Variants in PRKCE observed in about 807,000 individuals in gnomAD.
PRKCE encodes protein kinase C epsilon type.
In PRKCE, 16 loss-of-function variants were observed where a neutral mutation model predicts 85.4. That is an observed-to-expected ratio of 0.19 (90% CI 0.13 to 0.28). The LOEUF (loss-of-function observed/expected upper bound fraction) is 0.28. Ranked by LOEUF, PRKCE falls within the 10% of genes least tolerant of loss-of-function variation. PRKCE has a pLI of 1.00. For missense variants in PRKCE, 573 were observed against 975.2 expected (o/e 0.59, Z 5.49); for synonymous variants, 388 against 371.5 (o/e 1.04, Z -0.51).
intron 1 of PRKCE, among the ~76,000 whole-genome samples, chr2:45,773,698 C>T (rs958582688): frequency 3.3e-5 from 5 of 152,204 alleles, no homozygotes; most frequent in African/African-American, 7.2e-5. Flanking sequence ...TGGGGAAAGA[C>T]GATGCTTCAG....
At chr2:45,947,852 C>T (rs946785779) in intron 2 of PRKCE, among the ~76,000 whole-genome samples, 3 of 152,158 alleles carry the variant, frequency 2.0e-5, no homozygotes, top group African/African-American at 7.2e-5. Flanking sequence ...AAATTTCTTG[C>T]TCTAAAGTGT....
chr2:45,943,447 G>T (rs533082976), intron 2 of PRKCE, among the ~76,000 whole-genome samples: 221 of 152,344 alleles, frequency 1.5e-3, no homozygotes, highest in Non-Finnish European at 2.7e-3. Context: ...CCGGGGCTTA[G>T]GAAGGTCTGC....
At chr2:46,028,618 A>G (rs1707299963) in intron 10 of PRKCE, among the ~76,000 whole-genome samples, 1 of 152,172 alleles carries the variant, frequency 6.6e-6, no homozygotes, top group Non-Finnish European at 1.5e-5. Flanking sequence ...AAATGTAACT[A>G]ACATTTATAG....
At chr2:45,913,642 C>T (rs879401216) in intron 2 of PRKCE, among the ~76,000 whole-genome samples, 1 of 152,226 alleles carries the variant, frequency 6.6e-6, no homozygotes, top group Non-Finnish European at 1.5e-5. Context: ...GCTGAAAGAC[C>T]TTCTTCAGCA....
chr2:45,827,690 A>G lies in PRKCE; in HGVS notation c.349-15310A>G, dbSNP rs1364455177. ...GCACCATTAGATTACATGTTAAGGC[A>G]GGTTCTATCCCAGAAAACAGAAAAT... On this transcript the variant is annotated intron_variant, in intron 1 of 14. Coordinates refer to ENST00000306156, the MANE Select transcript of PRKCE (RefSeq NM_005400.3). Among the ~76,000 whole-genome samples, 2 of 152,264 alleles carry G rather than the reference A, an allele frequency of 1.3e-5. 1 individual carries two copies. The highest frequency in any genetic ancestry group is 4.8e-5 in the African/African-American group (2 of 41,472).
chr2:45,954,396 C>A (rs1425082091), intron 2 of PRKCE, among the ~76,000 whole-genome samples: 2 of 152,080 alleles, frequency 1.3e-5, no homozygotes, highest in Non-Finnish European at 2.9e-5. Context: ...ATCCATTAAC[C>A]CTTTATTGTA....
intron 1 of PRKCE, among the ~76,000 whole-genome samples, chr2:45,731,617 ATTTTTT>A (rs11329717): frequency 1.3e-3 from 140 of 108,584 alleles, no homozygotes; most frequent in African/African-American, 4.6e-3. Context: ...AATTCCTGGA[ATTTTTT>A]TTTTTTTTTT....
At chr2:45,898,501 G>A (rs1696323531) in intron 2 of PRKCE, among the ~76,000 whole-genome samples, 1 of 152,214 alleles carries the variant, frequency 6.6e-6, no homozygotes. Flanking sequence ...GGTCGCTGGA[G>A]TCTGGAAGCT....
In PRKCE at chr2:46,128,333, T is replaced by C. The variant is rs1448833514; in HGVS notation, c.1593-16760T>C. ...GGTTTAAATGGTCAAGTTTGGAAACTGCTCATGAAGAGCAATTGGAGCTAA... is the reference window on the plus strand; with the variant it reads ...GGTTTAAATGGTCAAGTTTGGAAACCGCTCATGAAGAGCAATTGGAGCTAA... On this transcript the variant is annotated intron_variant, in intron 11 of 14. Coordinates refer to ENST00000306156, the MANE Select transcript of PRKCE (RefSeq NM_005400.3). 2.6e-5 allele frequency among the ~76,000 whole-genome samples: 4 copies of C among 152,228 alleles called. No individual in the cohort carries two copies. In the East Asian group the frequency reaches 7.7e-4, roughly 29 times the overall value.
intron 1 of PRKCE, among the ~76,000 whole-genome samples, chr2:45,768,233 G>A (rs936994063): frequency 6.6e-5 from 10 of 152,152 alleles, no homozygotes; most frequent in African/African-American, 2.4e-4. Context: ...AAACACGAAA[G>A]AGCCTTGAAA....
chr2:46,007,836 A>T (rs566129147), intron 9 of PRKCE, among the ~76,000 whole-genome samples, 175 bp downstream of exon 9: 1 of 152,342 alleles, frequency 6.6e-6, no homozygotes, highest in Non-Finnish European at 1.5e-5. Flanking sequence ...TGGTTCTGCT[A>T]TTAATTGGCT....
intron 14 of PRKCE, among the ~76,000 whole-genome samples, chr2:46,161,559 G>A (rs948776304): frequency 1.6e-4 from 25 of 151,974 alleles, no homozygotes; most frequent in African/African-American, 5.6e-4. Flanking sequence ...AGAGGCGGAG[G>A]AGCAGCCCCT....
At position 45,712,081 on chromosome 2, in the gene PRKCE, G is replaced by T. The variant is rs13429963; in HGVS notation, c.348+59633G>T. The stretch of plus-strand genomic sequence containing the variant: ...GAATTACATCTTCTCCACACTGTCT[G>T]TGTGCCCTCAGGTGTTCCTGTTGAC... On this transcript the variant is annotated intron_variant, in intron 1 of 14. Coordinates refer to ENST00000306156, the MANE Select transcript of PRKCE (RefSeq NM_005400.3). Among the ~76,000 whole-genome samples, 1,198 of 148,926 alleles carry T rather than the reference G, an allele frequency of 8.0e-3. 18 individuals are homozygous for T. Among genetic ancestry groups the T allele is most frequent in the African/African-American group, 0.028 (1,136 of 40,326 alleles).
intron 2 of PRKCE, among the ~76,000 whole-genome samples, chr2:45,854,182 G>A (rs903603239): frequency 6.6e-6 from 1 of 152,218 alleles, no homozygotes; most frequent in African/African-American, 2.4e-5. Context: ...CTGGCCCGGT[G>A]CAGTGTGGCT....
intron 1 of PRKCE, among the ~76,000 whole-genome samples, chr2:45,761,961 A>T (rs1173231593): frequency 3.3e-5 from 5 of 151,996 alleles, no homozygotes; most frequent in Admixed American, 6.5e-5. Context: ...CCTGCTTCCC[A>T]TCAGGGAGTT....
chr2:46,158,969 T>C (rs1677486965), intron 13 of PRKCE, among the ~76,000 whole-genome samples: 1 of 152,198 alleles, frequency 6.6e-6, no homozygotes. Context: ...CTACAAGCAT[T>C]GAAAAGGAAT....
chr2:46,091,760 G>A (rs934030090), intron 11 of PRKCE, among the ~76,000 whole-genome samples: 13 of 152,172 alleles, frequency 8.5e-5, no homozygotes, highest in African/African-American at 2.9e-4. Context: ...ATGTTAGCCA[G>A]TCACATACCT....
chr2:45,691,507 A>G (rs1408117517), intron 1 of PRKCE, among the ~76,000 whole-genome samples: 1 of 152,230 alleles, frequency 6.6e-6, no homozygotes, highest in Non-Finnish European at 1.5e-5. Context: ...GAGAATAACT[A>G]ACTGTCTGGC....
At chr2:45,759,301 G>A (rs1464310165) in intron 1 of PRKCE, among the ~76,000 whole-genome samples, 1 of 152,248 alleles carries the variant, frequency 6.6e-6, no homozygotes, top group Non-Finnish European at 1.5e-5. Flanking sequence ...GCTGACTCCA[G>A]GTTCTGGGCA....
Sources: allele counts gnomAD v4.1 joint callset (sites outside exome capture counted in the v4.1 genomes callset), GRCh38; gene constraint gnomAD v4.1.1; transcripts MANE v1.5; gene names NCBI Gene and HGNC (gene_info 2026-07-23, HGNC 2026-07-21).